The following BBOF1 variants were observed in gnomAD, a reference collection of about 807,000 sequenced individuals.
BBOF1 encodes the protein basal body-orientation factor 1.
In BBOF1, 62 loss-of-function variants were observed where a neutral mutation model predicts 68.0. The ratio of observed to expected loss-of-function variants is 0.91; its 90% CI spans 0.74 to 1.13. The LOEUF is 1.13. BBOF1 is among the 50% of genes most tolerant of loss of function. The pLI is 0.00. For missense variants in BBOF1, 534 were observed against 600.1 expected, an observed-to-expected ratio of 0.89 and a Z score of 1.15; for synonymous variants, 208 against 198.8, an observed-to-expected ratio of 1.05 and a Z score of -0.39.
At chr14:74,076,967 C>G (rs968794681) in intron 9 of BBOF1, among the ~76,000 whole-genome samples, 1 of 152,158 alleles carries the variant, frequency 6.6e-6, no homozygotes, top group African/African-American at 2.4e-5. Context: ...TTTTATCTTG[C>G]CTGAAAAGGG....
At chr14:74,044,774 A>C (rs975699829) in intron 5 of BBOF1, among the ~76,000 whole-genome samples, 1 of 152,130 alleles carries the variant, frequency 6.6e-6, no homozygotes, top group African/African-American at 2.4e-5. Flanking sequence ...AAAATACAAA[A>C]ATTAGCTGGG....
At chr14:74,057,632 GGAGATATGAAAT>G in intron 11 of BBOF1, 2 of 1,333,220 alleles carry the variant, frequency 1.5e-6, no homozygotes, top group Non-Finnish European at 2.0e-6. Flanking sequence ...AGGCTTATAA[GGAGATATGAAAT>G]GATTTTTTTA....
chr14:74,071,604 G>T, intron 9 of BBOF1: 1 of 1,597,880 alleles, frequency 6.3e-7, no homozygotes, highest in African/African-American at 1.3e-5. Flanking sequence ...CAATGAAGGG[G>T]TGCAGGGTAC....
At chr14:74,056,799 C>T in intron 9 of BBOF1, 107 bp from the exon 10 acceptor site, 1 of 722,498 alleles carries the variant, frequency 1.4e-6, no homozygotes, top group Non-Finnish European at 2.3e-6. Flanking sequence ...CCTACTATCA[C>T]CCACAAAAAT....
At chr14:74,073,294 C>T (rs115167417) in intron 9 of BBOF1, among the ~76,000 whole-genome samples, 1,884 of 151,648 alleles carry the variant, frequency 0.012, 37 homozygotes, top group African/African-American at 0.042. Context: ...TTGATAGAGA[C>T]GGGGTTTGGC....
At chr14:74,024,211 C>G (rs553353818) in intron 2 of BBOF1, among the ~76,000 whole-genome samples, 1 of 152,204 alleles carries the variant, frequency 6.6e-6, no homozygotes, top group South Asian at 2.1e-4. Flanking sequence ...ATAATCCCAA[C>G]ACTTTGGGAG....
intron 11 of BBOF1, among the ~76,000 whole-genome samples, chr14:74,062,191 C>T (rs879738977): frequency 1.2e-4 from 18 of 151,814 alleles, no homozygotes; most frequent in Admixed American, 8.5e-4. Context: ...AGCAAAACTC[C>T]CATCTCAAAA....
downstream of BBOF1, among the ~76,000 whole-genome samples, chr14:74,066,274 T>C (rs185266033): frequency 1.3e-5 from 2 of 152,306 alleles, no homozygotes; most frequent in East Asian, 3.9e-4. Flanking sequence ...CCTGTTTTTG[T>C]ACAGCCCCAA....
chr14:74,040,133 C>T (rs1442946223), intron 4 of BBOF1, among the ~76,000 whole-genome samples: 1 of 152,056 alleles, frequency 6.6e-6, no homozygotes, highest in African/African-American at 2.4e-5. Flanking sequence ...GCTGGAACTA[C>T]AGGTGTGCAC....
In BBOF1 at chr14:74,021,608, G is replaced by A. The variant is rs532656076; in HGVS notation, c.57-1308G>A. Among the ~76,000 whole-genome samples the A allele has an allele frequency of 4.6e-5, 7 of 151,202 alleles. No individual in the cohort carries two copies. The South Asian group carries it at 8.4e-4, about 18-fold the overall frequency. On this transcript the variant is annotated intron_variant, in intron 1 of 11. Transcript: ENST00000394009. ...TGTTTCAAAAAAAAAAAAAAAGTCCGGTGAACTGTGGCACCAGCTGATAAA... is the reference window on the plus strand; with the variant it reads ...TGTTTCAAAAAAAAAAAAAAAGTCCAGTGAACTGTGGCACCAGCTGATAAA...
Position 74,074,945 on chromosome 14 carries a change from A to G in BBOF1, n.1380-3251A>G, listed in dbSNP as rs369958390. Reference sequence around the variant, plus strand: ...TCTCAGAAGTCAACCTCTATGCCAAATAAACTCACCACTGAAGAAGAGAAG... The same window carrying G: ...TCTCAGAAGTCAACCTCTATGCCAAGTAAACTCACCACTGAAGAAGAGAAG... On this transcript the variant is annotated intron_variant and non_coding_transcript_variant, in intron 9 of 12. Transcript: ENST00000492026. 13 of 1,613,682 alleles carry G rather than the reference A, an allele frequency of 8.1e-6. No homozygotes were observed. In the African/African-American group the frequency reaches 1.6e-4, roughly 20 times the overall value.
At chr14:74,053,398 A>C (rs2060113524) in intron 8 of BBOF1, among the ~76,000 whole-genome samples, 1 of 151,416 alleles carries the variant, frequency 6.6e-6, no homozygotes, top group Non-Finnish European at 1.5e-5. Flanking sequence ...GGTGTGAGCC[A>C]CTGCACCCGG....
chr14:74,065,346 A>C lies in BBOF1; in HGVS notation c.*647A>C. The C allele has an allele frequency of 6.2e-7, 1 of 1,614,088 alleles. No homozygotes were observed. Among genetic ancestry groups the C allele is most frequent in the Middle Eastern group, 1.7e-4 (1 of 6,048 alleles). On this transcript the variant is annotated 3_prime_UTR_variant, in exon 12 of 12. Transcript: ENST00000394009. ...CTGGACCAAAAATCTCCTCTTTGTA[A>C]CAGGTCATATTTGGCTGCCAGGAGT...
chr14:74,025,307 G>A (rs1181296421), intron 2 of BBOF1, among the ~76,000 whole-genome samples: 1 of 152,152 alleles, frequency 6.6e-6, no homozygotes. Flanking sequence ...GCAGTAACAG[G>A]TGGGTAATTT....
chr14:74,060,696 T>C, intron 11 of BBOF1: 1 of 1,614,044 alleles, frequency 6.2e-7, no homozygotes, highest in Non-Finnish European at 8.5e-7. Context: ...TAGCATCTTC[T>C]TCTTTCCACT....
intron 9 of BBOF1, chr14:74,075,106 A>G (rs1485532858): frequency 5.1e-6 from 6 of 1,182,854 alleles, no homozygotes; most frequent in Non-Finnish European, 7.4e-6. Flanking sequence ...TATTTGCTAT[A>G]GTATATAGGG....
chr14:74,019,422 TG>T lies in BBOF1; in HGVS notation c.-55del. 1 of 1,567,066 alleles carries T rather than the reference TG, an allele frequency of 6.4e-7. No individual in the cohort carries two copies. Among genetic ancestry groups the T allele is most frequent in the Non-Finnish European group, 8.6e-7 (1 of 1,156,672 alleles). On this transcript the variant is annotated 5_prime_UTR_variant, in exon 1 of 12. Transcript: ENST00000394009. ...GTCCCGGTTCCCTTGGAGACAGAGCTGGCCAGGGCGGCCGCGGCTGGGCAAC... is the reference window on the plus strand; with the variant it reads ...GTCCCGGTTCCCTTGGAGACAGAGCTGCCAGGGCGGCCGCGGCTGGGCAAC...
At chr14:74,052,913 T>C (rs1009845517) in intron 8 of BBOF1, among the ~76,000 whole-genome samples, 2 of 148,628 alleles carry the variant, frequency 1.3e-5, no homozygotes, top group Admixed American at 6.8e-5. Flanking sequence ...GGTGGGAGGA[T>C]TGCTTGAGCC....
chr14:74,030,935 T>TAGAGAG (rs200204112), intron 3 of BBOF1, among the ~76,000 whole-genome samples: 9 of 146,690 alleles, frequency 6.1e-5, no homozygotes, highest in Admixed American at 3.4e-4. Context: ...TATATATATA[T>TAGAGAG]ATATAGAGAG....
Sources: gnomAD v4.1 joint callset for allele counts (sites outside exome capture counted in the v4.1 genomes callset) on GRCh38, gnomAD v4.1.1 for gene constraint, MANE v1.5 for transcripts, NCBI Gene and HGNC (gene_info 2026-07-23, HGNC 2026-07-21) for gene names.